The following CELF2 variants were observed in gnomAD, a reference collection of about 807,000 sequenced individuals.
The protein encoded by CELF2 is CUG triplet repeat RNA-binding protein 2.
In CELF2, 8 loss-of-function variants were observed where a neutral mutation model predicts 62.6. That is an observed-to-expected ratio of 0.13 (90% CI 0.07 to 0.23). The LOEUF is 0.23. Among genes scored for constraint, CELF2 ranks in the 10% least tolerant of loss-of-function variants. The pLI is 1.00. For missense variants in CELF2, 333 were observed against 671.0 expected (o/e 0.50, Z 5.56); for synonymous variants, 258 against 250.0 (o/e 1.03, Z -0.30).
At chr10:10,649,367 G>T in the CELF2 span, among the ~76,000 whole-genome samples, 1 of 152,102 alleles carries the variant, frequency 6.6e-6, no homozygotes, top group South Asian at 2.1e-4. Context: ...TATATACTCA[G>T]GTCAATATTA....
At chr10:10,730,402 G>C in the CELF2 span, among the ~76,000 whole-genome samples, 1 of 152,112 alleles carries the variant, frequency 6.6e-6, no homozygotes, top group African/African-American at 2.4e-5. Flanking sequence ...GCTTGAACCC[G>C]GGAGGCAGAA....
intron 1 of CELF2, among the ~76,000 whole-genome samples, chr10:11,154,494 G>A (rs1271058539): frequency 6.6e-6 from 1 of 152,240 alleles, no homozygotes; most frequent in African/African-American, 2.4e-5. Context: ...CATGCAGGAT[G>A]AGGTGGCCTG....
At chr10:11,179,632 G>A (rs767456768) in intron 2 of CELF2, among the ~76,000 whole-genome samples, 9 of 152,186 alleles carry the variant, frequency 5.9e-5, no homozygotes, top group Non-Finnish European at 1.0e-4. Flanking sequence ...GCAGTGTGCC[G>A]CATCCCAGGA....
intron 1 of CELF2, among the ~76,000 whole-genome samples, chr10:11,093,693 A>G (rs1446973973): frequency 6.6e-6 from 1 of 152,144 alleles, no homozygotes; most frequent in Non-Finnish European, 1.5e-5. Context: ...GTTTTTTTTT[A>G]CATGCCTTGT....
chr10:10,718,422 G>A, the CELF2 span, among the ~76,000 whole-genome samples: 5,547 of 151,982 alleles, frequency 0.036, 373 homozygotes, highest in African/African-American at 0.13. Flanking sequence ...TCGGGAGTTC[G>A]AGACCAACCT....
At position 10,957,523 on chromosome 10, in the gene CELF2, C is replaced by G. The variant is rs1035579742; in HGVS notation, c.89+37524C>G. 6.6e-6 allele frequency among the ~76,000 whole-genome samples: 1 copy of G among 152,270 alleles called. No homozygotes were observed. The highest frequency in any genetic ancestry group is 2.4e-5 in the African/African-American group (1 of 41,562). On this transcript the variant is annotated intron_variant, in intron 2 of 13. Coordinates refer to the CELF2 transcript ENST00000636488. This position sits in a 1 kb window ranked among gnomAD's most constrained non-coding sequence, Gnocchi z 4.1. ...ACCGTCAGACCACCAGGCATTTGTT[C>G]CATCGATTGCTTCAGTCTTTCTTTC...
chr10:10,542,299 C>G, the CELF2 span, among the ~76,000 whole-genome samples: 2 of 152,136 alleles, frequency 1.3e-5, no homozygotes, highest in Non-Finnish European at 2.9e-5. Context: ...ATTGATGCCT[C>G]TATTCAAACA....
At chr10:10,937,779 C>T (rs934145913) in intron 2 of CELF2, among the ~76,000 whole-genome samples, 6 of 152,082 alleles carry the variant, frequency 3.9e-5, no homozygotes, top group Non-Finnish European at 7.4e-5. Context: ...TAGATGTTCT[C>T]ATTCTGTATC....
chr10:10,552,231 A>T, the CELF2 span, among the ~76,000 whole-genome samples: 1 of 152,228 alleles, frequency 6.6e-6, no homozygotes, highest in Non-Finnish European at 1.5e-5. Context: ...GGGTTGAGGA[A>T]CAGTTAGGCT....
chr10:11,188,691 G>C (rs753034207), intron 2 of CELF2, among the ~76,000 whole-genome samples: 1 of 152,070 alleles, frequency 6.6e-6, no homozygotes, highest in African/African-American at 2.4e-5. Flanking sequence ...ATCAAATTTG[G>C]AAAACTTTCA....
intron 11 of CELF2, among the ~76,000 whole-genome samples, chr10:11,323,088 CAT>C (rs2095530130): frequency 6.6e-6 from 1 of 152,056 alleles, no homozygotes; most frequent in Admixed American, 6.5e-5. Flanking sequence ...TTCGAAACAA[CAT>C]GTTTCTGAGG....
chr10:10,820,686 T>C (rs10128481), intron 1 of CELF2, among the ~76,000 whole-genome samples: 72,252 of 151,944 alleles, frequency 0.48, 17,682 homozygotes, highest in African/African-American at 0.59. Context: ...AGAAAGGAGT[T>C]CCTGAGGAAT....
chr10:10,981,067 C>T (rs1012507673), intron 2 of CELF2, among the ~76,000 whole-genome samples: 1 of 152,214 alleles, frequency 6.6e-6, no homozygotes, highest in African/African-American at 2.4e-5. Context: ...CCAGAGAGAA[C>T]CCTTCTGCCA....
At chr10:10,955,762 C>T (rs545655643) in intron 2 of CELF2, among the ~76,000 whole-genome samples, 1 of 152,210 alleles carries the variant, frequency 6.6e-6, no homozygotes, top group South Asian at 2.1e-4. Context: ...ACAGCAATTT[C>T]AATAATAAGA....
chr10:10,589,030 TA>T, the CELF2 span, among the ~76,000 whole-genome samples: 2 of 152,204 alleles, frequency 1.3e-5, no homozygotes, highest in Non-Finnish European at 2.9e-5. Context: ...CAGGGGGTAC[TA>T]ATGACATGTG....
At chr10:10,560,588 G>A in the CELF2 span, among the ~76,000 whole-genome samples, 1 of 152,112 alleles carries the variant, frequency 6.6e-6, no homozygotes, top group Non-Finnish European at 1.5e-5. Flanking sequence ...AACTAGTACA[G>A]CCACTATGGA....
intron 2 of CELF2, among the ~76,000 whole-genome samples, chr10:10,971,461 G>A (rs1176593091): frequency 6.6e-6 from 1 of 152,142 alleles, no homozygotes; most frequent in African/African-American, 2.4e-5. Context: ...CCAATCCTGA[G>A]ATGTCCAACT....
intron 3 of CELF2, among the ~76,000 whole-genome samples, chr10:11,225,574 G>A (rs2066247761): frequency 1.3e-5 from 2 of 152,222 alleles, no homozygotes; most frequent in African/African-American, 4.8e-5. Flanking sequence ...CTTTGAGATT[G>A]TCTGGGCATC....
At chr10:10,924,701 A>G (rs1591990965) in intron 2 of CELF2, among the ~76,000 whole-genome samples, 1 of 143,232 alleles carries the variant, frequency 7.0e-6, no homozygotes, top group Admixed American at 7.0e-5. Context: ...TTTCTCTTGT[A>G]TATTAATCCA....
Sources: gnomAD v4.1 joint callset for allele counts (sites outside exome capture counted in the v4.1 genomes callset) on GRCh38, gnomAD v4.1.1 for gene constraint, Gnocchi (gnomAD v3.1) non-coding constraint, MANE v1.5 for transcripts, NCBI Gene and HGNC (gene_info 2026-07-23, HGNC 2026-07-21) for gene names.